SH3KBP1: variants seen among roughly 807,000 people sequenced by gnomAD.
The protein encoded by SH3KBP1 is SH3 domain containing kinase binding protein 1.
Under a neutral mutation model 50.1 loss-of-function variants are expected in SH3KBP1, and 8 were observed. That is an observed-to-expected ratio of 0.16 (90% CI 0.09 to 0.29). SH3KBP1 has a LOEUF of 0.29. Among genes scored for constraint, SH3KBP1 ranks in the 10% least tolerant of loss-of-function variants. SH3KBP1 has a pLI of 1.00. For synonymous variants in SH3KBP1, 227 were observed against 218.6 expected, an observed-to-expected ratio of 1.04 and a Z score of -0.34; for missense variants, 377 against 535.2, an observed-to-expected ratio of 0.70 and a Z score of 2.92.
intron 1 of SH3KBP1, among the ~76,000 whole-genome samples, chrX:19,867,571 C>G (rs1210848231): frequency 9.0e-6 from 1 of 111,626 alleles, no homozygotes; most frequent in Non-Finnish European, 1.9e-5. Flanking sequence ...AATTTGTCAG[C>G]TCCAGGCTAA....
intron 3 of SH3KBP1, among the ~76,000 whole-genome samples, chrX:19,722,270 G>T (rs775545326): frequency 9.0e-6 from 1 of 111,405 alleles, no homozygotes; most frequent in African/African-American, 3.3e-5. Context: ...CTGTCATCTG[G>T]TGCCCTGGCT....
chrX:19,881,991 G>A (rs1039580403), intron 1 of SH3KBP1, among the ~76,000 whole-genome samples: 1 of 111,113 alleles, frequency 9.0e-6, no homozygotes, highest in African/African-American at 3.3e-5. Context: ...CCAGAGTCCT[G>A]GTAGGTGTAG....
chrX:19,597,149 G>A (rs1004459530), intron 9 of SH3KBP1, among the ~76,000 whole-genome samples: 1 of 112,155 alleles, frequency 8.9e-6, no homozygotes, highest in Admixed American at 9.4e-5. Flanking sequence ...AAGTTGAAAC[G>A]ACTCTGATCC....
At chrX:19,738,501 A>T (rs914783804) in intron 3 of SH3KBP1, among the ~76,000 whole-genome samples, 2 of 109,648 alleles carry the variant, frequency 1.8e-5, no homozygotes, top group Admixed American at 1.9e-4. Flanking sequence ...AATAAGCACC[A>T]TATACAATGG....
chrX:19,756,682 C>A (rs906925119), intron 2 of SH3KBP1, among the ~76,000 whole-genome samples: 1 of 110,746 alleles, frequency 9.0e-6, no homozygotes, highest in Non-Finnish European at 1.9e-5. Context: ...TATACACGTG[C>A]AAAACAGCAT....
intron 9 of SH3KBP1, among the ~76,000 whole-genome samples, chrX:19,603,258 T>A (rs1316392582): frequency 1.8e-5 from 2 of 112,325 alleles, no homozygotes; most frequent in African/African-American, 6.5e-5. Flanking sequence ...AAACTCCTCT[T>A]GTTTTGATTC....
intron 2 of SH3KBP1, among the ~76,000 whole-genome samples, chrX:19,775,501 C>T (rs1252359872): frequency 2.7e-5 from 3 of 112,127 alleles, no homozygotes; most frequent in African/African-American, 9.7e-5. Flanking sequence ...CTGTATCTTA[C>T]ACTCACGTGC....
chrX:19,592,206 C>T (rs1197965983), intron 10 of SH3KBP1, 59 bp from the exon 11 acceptor site: 2 of 936,110 alleles, frequency 2.1e-6, no homozygotes, highest in Non-Finnish European at 3.0e-6. Context: ...TTATTACACC[C>T]ACCAGCATTT....
intron 13 of SH3KBP1, among the ~76,000 whole-genome samples, chrX:19,566,994 A>G (rs1463013093): frequency 9.0e-6 from 1 of 110,721 alleles, no homozygotes; most frequent in East Asian, 2.9e-4. Context: ...GTGCTCTTAC[A>G]AGGCCTGCCA....
intron 2 of SH3KBP1, among the ~76,000 whole-genome samples, chrX:19,782,749 G>A (rs1413536443): frequency 9.0e-6 from 1 of 111,710 alleles, no homozygotes; most frequent in Non-Finnish European, 1.9e-5. Flanking sequence ...CTCTTTCACT[G>A]TTTCCAGCAA....
chrX:19,709,323 T>A (rs919206226), intron 3 of SH3KBP1, among the ~76,000 whole-genome samples: 1 of 111,798 alleles, frequency 8.9e-6, no homozygotes, highest in Non-Finnish European at 1.9e-5. Context: ...AAAGATCACG[T>A]GACCTGATGC....
chrX:19,752,262 A>G (rs1032279482), intron 2 of SH3KBP1, among the ~76,000 whole-genome samples: 1 of 112,141 alleles, frequency 8.9e-6, no homozygotes, highest in Non-Finnish European at 1.9e-5. Context: ...TGGGGGCAAC[A>G]CTTAAAGTCT....
chrX:19,638,784 G>A (rs2061780021), intron 7 of SH3KBP1, among the ~76,000 whole-genome samples: 1 of 111,742 alleles, frequency 8.9e-6, no homozygotes, highest in African/African-American at 3.3e-5. Context: ...AGGATCTGGG[G>A]CTAGTGAGGA....
At chrX:19,829,605 G>C (rs2067799840) in intron 2 of SH3KBP1, among the ~76,000 whole-genome samples, 1 of 108,107 alleles carries the variant, frequency 9.3e-6, no homozygotes, top group African/African-American at 3.4e-5. Context: ...AATTAGCTGG[G>C]CATGGTGGCA....
intron 2 of SH3KBP1, among the ~76,000 whole-genome samples, chrX:19,768,392 G>A (rs904257659): frequency 2.9e-5 from 3 of 103,402 alleles, no homozygotes; most frequent in Non-Finnish European, 3.9e-5. Context: ...TTCACACCTC[G>A]CCTTATAAAT....
intron 6 of SH3KBP1, among the ~76,000 whole-genome samples, chrX:19,655,998 A>C (rs768215666): frequency 9.0e-6 from 1 of 111,632 alleles, no homozygotes; most frequent in South Asian, 3.8e-4. Flanking sequence ...AGGATGGGTA[A>C]AATTTTGCCA....
At chrX:19,790,944 G>T (rs1160551550) in intron 2 of SH3KBP1, among the ~76,000 whole-genome samples, 1 of 110,723 alleles carries the variant, frequency 9.0e-6, no homozygotes, top group African/African-American at 3.3e-5. Context: ...GTCTATCTGG[G>T]TATTGTCTCC....
At chrX:19,750,187 T>G (rs561002506) in intron 2 of SH3KBP1, among the ~76,000 whole-genome samples, 1 of 111,791 alleles carries the variant, frequency 8.9e-6, no homozygotes, top group South Asian at 3.7e-4. Context: ...GCCTCCCGAA[T>G]AGCTGGGATT....
intron 9 of SH3KBP1, among the ~76,000 whole-genome samples, chrX:19,600,977 G>A (rs1489677775): frequency 1.8e-5 from 2 of 111,748 alleles, no homozygotes; most frequent in African/African-American, 6.5e-5. Context: ...AGAACTCTAC[G>A]TTTCTCAATG....
Sources: allele counts gnomAD v4.1 joint callset (sites outside exome capture counted in the v4.1 genomes callset), GRCh38; gene constraint gnomAD v4.1.1; transcripts MANE v1.5; gene names NCBI Gene and HGNC (gene_info 2026-07-23, HGNC 2026-07-21).